Variants in MPP7 observed in about 807,000 individuals in gnomAD.
The protein encoded by MPP7 is MAGUK p55 scaffold protein 7, also known as MAGUK p55 subfamily member 7.
Under a neutral mutation model 76.5 loss-of-function variants are expected in MPP7, and 60 were observed. The ratio of observed to expected loss-of-function variants is 0.78; its 90% CI spans 0.64 to 0.97. MPP7 has a LOEUF of 0.97. Ranked by LOEUF, MPP7 falls within the 50% of genes least tolerant of loss-of-function variation. MPP7 has a pLI of 0.00. For synonymous variants in MPP7, 237 were observed against 244.5 expected (o/e 0.97, Z 0.29); for missense variants, 641 against 694.0 (o/e 0.92, Z 0.86).
At chr10:28,200,768 A>G (rs1019651077) in intron 3 of MPP7, among the ~76,000 whole-genome samples, 1 of 152,186 alleles carries the variant, frequency 6.6e-6, no homozygotes, top group Admixed American at 6.5e-5. Context: ...GTAAACAGAT[A>G]TTATAACTTT....
chr10:28,101,537 A>G (rs1217384173), intron 11 of MPP7, among the ~76,000 whole-genome samples: 1 of 152,062 alleles, frequency 6.6e-6, no homozygotes, highest in Non-Finnish European at 1.5e-5. Context: ...TTTATGGCAA[A>G]CCCCTCTTAA....
At chr10:28,319,113 C>T (rs1834344043) in intron 2 of MPP7, among the ~76,000 whole-genome samples, 1 of 152,144 alleles carries the variant, frequency 6.6e-6, no homozygotes, top group Non-Finnish European at 1.5e-5. Flanking sequence ...CCTCAGAAAA[C>T]TTACAATCAT....
intron 12 of MPP7, among the ~76,000 whole-genome samples, chr10:28,070,262 G>T (rs1050932522): frequency 2.6e-5 from 4 of 152,122 alleles, no homozygotes; most frequent in Non-Finnish European, 5.9e-5. Flanking sequence ...AGCCAGGCAT[G>T]GTGGCGGGTG....
rs1197446955 is a variant in MPP7, at chr10:28,147,472, CAT to C, written c.315+9_315+10del. On this transcript the variant is annotated intron_variant, in intron 5 of 16. Coordinates refer to ENST00000683449, the MANE Select transcript of MPP7 (RefSeq NM_001318170.2). Reference sequence around the variant, plus strand: ...TTGAAGGTATTTATTACCGGCGTAACATGTCCTCACCTTCACATTGGGTTTTG... The same window carrying C: ...TTGAAGGTATTTATTACCGGCGTAACGTCCTCACCTTCACATTGGGTTTTG... The C allele has an allele frequency of 3.1e-6, 5 of 1,609,470 alleles. No individual in the cohort carries two copies. The East Asian group carries it at 1.1e-4, about 36-fold the overall frequency.
chr10:28,097,365 G>A (rs1249268593), intron 11 of MPP7, among the ~76,000 whole-genome samples: 1 of 152,006 alleles, frequency 6.6e-6, no homozygotes, highest in Non-Finnish European at 1.5e-5. Flanking sequence ...TATAAGTGGT[G>A]GTAGTGGTTG....
rs1342439826 is a variant in MPP7, at chr10:28,053,033, G to A, written c.*1032C>T. ...GCAAGGTTAGGATGGTGTCTGGACA[G>A]TGTTAACAAGCATTTTGATGACAAA... On this transcript the variant is annotated 3_prime_UTR_variant, in exon 17 of 17. Coordinates refer to ENST00000683449, the MANE Select transcript of MPP7 (RefSeq NM_001318170.2). The A allele has an allele frequency of 1.3e-5, 2 of 152,168 alleles. No individual in the cohort carries two copies. Among genetic ancestry groups the A allele is most frequent in the Non-Finnish European group, 1.5e-5 (1 of 68,030 alleles). 9.4% of individuals were successfully genotyped at this position (152,168 alleles called of 1,614,324 possible). A position where few individuals can be genotyped will look rare whatever the true frequency, so the allele number is the denominator to read the frequency against.
intron 2 of MPP7, among the ~76,000 whole-genome samples, chr10:28,223,101 T>G (rs1302957058): frequency 6.6e-6 from 1 of 151,514 alleles, no homozygotes; most frequent in Non-Finnish European, 1.5e-5. Context: ...ACCACTGCAC[T>G]CCAGCATGGG....
chr10:28,111,644 C>T (rs561273218), intron 11 of MPP7, among the ~76,000 whole-genome samples: 4 of 152,226 alleles, frequency 2.6e-5, no homozygotes, highest in Admixed American at 1.3e-4. Flanking sequence ...TTAACAATAA[C>T]CTGACAATTA....
intron 12 of MPP7, among the ~76,000 whole-genome samples, chr10:28,078,509 C>A (rs978806441): frequency 5.3e-5 from 8 of 152,184 alleles, no homozygotes; most frequent in Admixed American, 3.3e-4. Flanking sequence ...GATTTTGGAG[C>A]TTATTAATCT....
chr10:28,054,276 T>C (rs1157590136), intron 16 of MPP7, 32 bp from the exon 17 acceptor site: 1 of 1,366,030 alleles, frequency 7.3e-7, no homozygotes, highest in African/African-American at 1.5e-5. Context: ...AAATAATTGG[T>C]TAACCAGGCC....
chr10:28,075,375 C>A (rs138234026), intron 12 of MPP7, among the ~76,000 whole-genome samples: 31 of 152,212 alleles, frequency 2.0e-4, no homozygotes, highest in African/African-American at 7.2e-4. Flanking sequence ...AGAAAACCCA[C>A]ACAGTAGTTC....
intron 1 of MPP7, among the ~76,000 whole-genome samples, chr10:28,264,058 A>G (rs1180939259): frequency 6.6e-6 from 1 of 152,158 alleles, no homozygotes; most frequent in Non-Finnish European, 1.5e-5. Context: ...GCACTTTGGG[A>G]GGCCGAGGCA....
chr10:28,227,338 T>C (rs1406047272), intron 2 of MPP7, among the ~76,000 whole-genome samples: 2 of 152,194 alleles, frequency 1.3e-5, no homozygotes, highest in African/African-American at 2.4e-5. Context: ...CCAGGATACA[T>C]GTGCAGGACG....
At chr10:28,171,256 T>C (rs1353414321) in intron 3 of MPP7, among the ~76,000 whole-genome samples, 1 of 152,206 alleles carries the variant, frequency 6.6e-6, no homozygotes, top group African/African-American at 2.4e-5. Flanking sequence ...TTTTAGCCAA[T>C]TTTCTCAAAA....
chr10:28,091,379 C>T (rs1853294010), intron 11 of MPP7, among the ~76,000 whole-genome samples: 1 of 151,608 alleles, frequency 6.6e-6, no homozygotes, highest in African/African-American at 2.4e-5. Flanking sequence ...CCTCCGCCTC[C>T]TGGGTTGAAG....
intron 1 of MPP7, among the ~76,000 whole-genome samples, chr10:28,275,912 T>C (rs7084650): frequency 0.2 from 30,872 of 151,918 alleles, 3,982 homozygotes; most frequent in African/African-American, 0.35. Context: ...TGTGTGTATC[T>C]GTGCAGAAAC....
Position 28,054,210 on chromosome 10 carries a change from T to C in MPP7, c.1586A>G (p.Gln529Arg). Residue 529 changes from glutamine (Q) to arginine (R), a missense_variant, in exon 17 of 17, where the codon CAG (glutamine) becomes CGG (arginine). Physicochemically the swap from Gln to Arg is conservative, Grantham distance 43. Coordinates refer to ENST00000683449, the MANE Select transcript of MPP7 (RefSeq NM_001318170.2). Reference sequence around the variant, plus strand: ...ATGACCATATTGACTTTCCATTATCTGTGCAGATTTAATCATTTCTTGAAA... The same window carrying C: ...ATGACCATATTGACTTTCCATTATCCGTGCAGATTTAATCATTTCTTGAAA... ...EDFQEMIKSA[Q>R]IMESQYGHLF... The C allele has an allele frequency of 6.3e-7, 1 of 1,583,110 alleles. No individual in the cohort carries two copies. The highest frequency in any genetic ancestry group is 8.6e-7 in the Non-Finnish European group (1 of 1,163,464).
chr10:28,189,519 C>T (rs1261043862), intron 3 of MPP7, among the ~76,000 whole-genome samples: 2 of 128,784 alleles, frequency 1.6e-5, no homozygotes, highest in East Asian at 2.5e-4. Context: ...TGCAATGAGC[C>T]AAGATAACAC....
intron 12 of MPP7, among the ~76,000 whole-genome samples, chr10:28,085,316 C>T (rs573528953): frequency 6.6e-6 from 1 of 152,216 alleles, no homozygotes; most frequent in South Asian, 2.1e-4. Flanking sequence ...AGAGTATTTA[C>T]CATGTAGTCA....
Sources: gnomAD v4.1 joint callset for allele counts (sites outside exome capture counted in the v4.1 genomes callset) on GRCh38, gnomAD v4.1.1 for gene constraint, MANE v1.5 for transcripts, NCBI Gene and HGNC (gene_info 2026-07-23, HGNC 2026-07-21) for gene names.